ANKRD36B: variants seen among roughly 807,000 people sequenced by gnomAD.
ANKRD36B encodes ankyrin repeat domain-containing protein 36B.
A neutral mutation model predicts 135.7 loss-of-function variants in ANKRD36B; 37 were observed. The observed-to-expected ratio is 0.27, with a 90% confidence interval of 0.21 to 0.36. The LOEUF (loss-of-function observed/expected upper bound fraction) is 0.36, where lower values mean the gene tolerates loss of function less well. Ranked by LOEUF, ANKRD36B falls within the 10% of genes least tolerant of loss-of-function variation. The pLI is 1.00. For missense variants in ANKRD36B, 549 were observed against 1,037.1 expected (o/e 0.53, Z 6.46); for synonymous variants, 179 against 348.1 (o/e 0.51, Z 5.41).
chr2:97,570,472 T>C (rs1053359053), intron 6 of ANKRD36B, among the ~76,000 whole-genome samples: 4 of 152,196 alleles, frequency 2.6e-5, no homozygotes, highest in African/African-American at 9.7e-5. Flanking sequence ...GCATAAACAA[T>C]GTGGTTGACT....
intron 21 of ANKRD36B, 34 bp from the exon 22 acceptor site, chr2:97,547,642 T>C (rs1160404902): frequency 6.4e-7 from 1 of 1,555,632 alleles, no homozygotes; most frequent in African/African-American, 1.4e-5. Flanking sequence ...AATAAATTAA[T>C]AAAGTATGTT....
chr2:97,524,750 T>C lies in ANKRD36B; in HGVS notation c.2266-1283A>G, dbSNP rs1255112301. 1.9e-4 allele frequency: 19 copies of C among 97,574 alleles called. 4 individuals are homozygous for C. The highest frequency in any genetic ancestry group is 5.2e-4 in the African/African-American group (17 of 32,608). 6.0% of individuals were successfully genotyped at this position (97,574 alleles called of 1,614,324 possible). A position where few individuals can be genotyped will look rare whatever the true frequency, so the allele number is the denominator to read the frequency against. ...GTTTTGTAATTTTCACAAATTTCAC[T>C]GAAACTCTACTTTAACTTATTTGTG... On this transcript the variant is annotated intron_variant, in intron 35 of 43. Transcript: ENST00000359901.
chr2:97,576,277 T>C, intron 6 of ANKRD36B, 102 bp downstream of exon 6: 1 of 269,228 alleles, frequency 3.7e-6, no homozygotes, highest in Non-Finnish European at 7.8e-6. Flanking sequence ...TGTGTACAAT[T>C]TAAAGTGATT....
At chr2:97,566,602 A>G (rs1244493320) in intron 6 of ANKRD36B, among the ~76,000 whole-genome samples, 1 of 152,208 alleles carries the variant, frequency 6.6e-6, no homozygotes, top group East Asian at 1.9e-4. Flanking sequence ...GAATTGCAGT[A>G]TAAAATAGTC....
chr2:97,496,105 C>G (rs1056886610), intron 43 of ANKRD36B, among the ~76,000 whole-genome samples: 3 of 100,204 alleles, frequency 3.0e-5, no homozygotes, highest in Admixed American at 2.7e-4. Flanking sequence ...ACAGACTACT[C>G]CAGTGAATGC....
rs575262097 is a variant in ANKRD36B at position 97,564,298 on chromosome 2, A to G, written c.764-3438T>C. 9.2e-5 allele frequency among the ~76,000 whole-genome samples: 14 copies of G among 152,264 alleles called. No individual in the cohort carries two copies. The South Asian group carries it at 2.7e-3, about 29-fold the overall frequency. On this transcript the variant is annotated intron_variant, in intron 6 of 43. Coordinates refer to ENST00000359901, the MANE Select transcript of ANKRD36B (RefSeq NM_001393939.1). ...TCTACCAAAGAGTCAGGATAGCATG[A>G]CTACTTACTTTCTTCATTTTTAAAA... is the stretch of plus-strand genomic sequence containing the variant.
intron 22 of ANKRD36B, 117 bp downstream of exon 22, chr2:97,547,419 T>A: frequency 1.8e-6 from 2 of 1,134,378 alleles, no homozygotes; most frequent in Admixed American, 2.7e-5. Flanking sequence ...ATGAAGAATC[T>A]CAGGACTGCT....
chr2:97,546,893 G>T lies in ANKRD36B; in HGVS notation c.1579+643C>A, dbSNP rs541475765. Among the ~76,000 whole-genome samples, 274 of 151,756 alleles carry T rather than the reference G, an allele frequency of 1.8e-3. 1 individual carries two copies. The highest frequency in any genetic ancestry group is 2.9e-3 in the Non-Finnish European group (199 of 67,776). ...TCCTAGTAACAAAGAGGAGTAATGA[G>T]TCAGTGTGGTGTATTCCAATTACAC... On this transcript the variant is annotated intron_variant, in intron 22 of 43. Coordinates refer to ENST00000359901, the MANE Select transcript of ANKRD36B (RefSeq NM_001393939.1).
intron 10 of ANKRD36B, among the ~76,000 whole-genome samples, chr2:97,558,344 G>C (rs1448025410): frequency 6.6e-6 from 1 of 152,016 alleles, no homozygotes; most frequent in East Asian, 1.9e-4. Flanking sequence ...CTTCCTGCCT[G>C]ATAATCCTCT....
chr2:97,589,435 C>T, intron 1 of ANKRD36B, 90 bp downstream of exon 1: 2 of 1,083,324 alleles, frequency 1.8e-6, no homozygotes, highest in Non-Finnish European at 2.5e-6. Context: ...GAGCCCCGGA[C>T]CATCCGCCCC....
At position 97,530,691 on chromosome 2, in the gene ANKRD36B, A is replaced by G. The variant is rs1377785568; in HGVS notation, c.2265+1620T>C. Among the ~76,000 whole-genome samples the G allele has an allele frequency of 3.1e-5, 3 of 96,568 alleles. 1 individual carries two copies. The South Asian group carries it at 7.0e-4, about 23-fold the overall frequency. The allele number at this position is 96,568 out of a possible 152,430, so 63.4% of individuals were successfully genotyped here. On this transcript the variant is annotated intron_variant, in intron 35 of 43. Transcript: ENST00000359901. ...GGCTAATATCCAGAATCTACAAAGA[A>G]CTCAAACAAATTTACAAGAAAAAAA...
chr2:97,548,370 A>G (rs534202483), intron 20 of ANKRD36B, among the ~76,000 whole-genome samples: 2 of 151,926 alleles, frequency 1.3e-5, no homozygotes, highest in Non-Finnish European at 2.9e-5. Context: ...GCCTTCCAAA[A>G]GTTTCTTCAT....
intron 6 of ANKRD36B, among the ~76,000 whole-genome samples, chr2:97,574,108 G>A (rs920756773): frequency 6.6e-5 from 10 of 152,114 alleles, no homozygotes; most frequent in Admixed American, 3.3e-4. Context: ...GGCAACCTAC[G>A]GAATGGGAGA....
intron 12 of ANKRD36B, among the ~76,000 whole-genome samples, 156 bp from the exon 13 acceptor site, chr2:97,555,410 T>TG (rs1477126166): frequency 1.3e-5 from 2 of 151,890 alleles, no homozygotes; most frequent in East Asian, 3.9e-4. Flanking sequence ...AGAAATACAC[T>TG]GAAAAAAAAG....
intron 37 of ANKRD36B, among the ~76,000 whole-genome samples, chr2:97,513,948 T>C (rs1365290105): frequency 8.2e-6 from 1 of 121,592 alleles, no homozygotes; most frequent in Non-Finnish European, 1.6e-5. Flanking sequence ...CCTGCCTTTC[T>C]GAACCAAATC....
At chr2:97,556,205 T>C (rs1478054864) in intron 12 of ANKRD36B, among the ~76,000 whole-genome samples, 4 of 151,922 alleles carry the variant, frequency 2.6e-5, no homozygotes, top group Non-Finnish European at 5.9e-5. Context: ...AAAGCTAATA[T>C]AGTCATATTA....
intron 6 of ANKRD36B, among the ~76,000 whole-genome samples, chr2:97,562,498 AC>A (rs2081117685): frequency 6.6e-6 from 1 of 151,932 alleles, no homozygotes; most frequent in African/African-American, 2.4e-5. Flanking sequence ...AAGAAATGAG[AC>A]CCTGTGGGTT....
At chr2:97,569,872 T>G (rs1338110704) in intron 6 of ANKRD36B, among the ~76,000 whole-genome samples, 1 of 152,038 alleles carries the variant, frequency 6.6e-6, no homozygotes, top group African/African-American at 2.4e-5. Flanking sequence ...TAAAAGCACA[T>G]AAAGCAAATA....
intron 30 of ANKRD36B, 37 bp downstream of exon 30, chr2:97,539,997 G>C: frequency 1.2e-6 from 1 of 853,270 alleles, no homozygotes; most frequent in Non-Finnish European, 1.8e-6. Flanking sequence ...TTTCTATCTG[G>C]ACTGAACATG....
Sources: gnomAD v4.1 joint callset for allele counts (sites outside exome capture counted in the v4.1 genomes callset) on GRCh38, gnomAD v4.1.1 for gene constraint, MANE v1.5 for transcripts, NCBI Gene and HGNC (gene_info 2026-07-23, HGNC 2026-07-21) for gene names.